The following CNKSR2 variants were observed in gnomAD, a reference collection of about 807,000 sequenced individuals.
The protein encoded by CNKSR2 is connector enhancer of kinase suppressor of Ras 2.
In CNKSR2, 14 loss-of-function variants were observed where a neutral mutation model predicts 84.4. The observed-to-expected ratio is 0.17, with a 90% CI of 0.11 to 0.26. The LOEUF is 0.26. Among genes scored for constraint, CNKSR2 ranks in the 10% least tolerant of loss-of-function variants. The pLI is 1.00. For synonymous variants in CNKSR2, 275 were observed against 277.9 expected (o/e 0.99, Z 0.10); for missense variants, 485 against 771.2 (o/e 0.63, Z 4.40).
chrX:21,621,752 C>T (rs2092602694), intron 20 of CNKSR2, among the ~76,000 whole-genome samples: 1 of 110,735 alleles, frequency 9.0e-6, no homozygotes, highest in Non-Finnish European at 1.9e-5. Flanking sequence ...CCAGGGTTTT[C>T]CTCTTCCCTT....
chrX:21,435,440 T>TA (rs1304888596), intron 3 of CNKSR2, among the ~76,000 whole-genome samples: 1 of 111,490 alleles, frequency 9.0e-6, no homozygotes. Flanking sequence ...AGCTTCCATT[T>TA]AAATGAGATA....
intron 17 of CNKSR2, among the ~76,000 whole-genome samples, chrX:21,599,339 GGTGTGTGTGTGT>G (rs34829122): frequency 7.0e-4 from 58 of 82,681 alleles, no homozygotes; most frequent in African/African-American, 2.6e-3. Context: ...TTTTTGTTTT[GGTGTGTGTGTGT>G]GTGTGTGTGT....
intron 11 of CNKSR2, among the ~76,000 whole-genome samples, chrX:21,550,795 G>A (rs1049134946): frequency 9.0e-6 from 1 of 111,125 alleles, no homozygotes; most frequent in Non-Finnish European, 1.9e-5. Context: ...CAGTACTTTG[G>A]GAGGCAGAGG....
At chrX:21,397,275 T>C (rs1945703609) in intron 1 of CNKSR2, among the ~76,000 whole-genome samples, 1 of 111,679 alleles carries the variant, frequency 9.0e-6, no homozygotes. Flanking sequence ...GCTGAATAAT[T>C]TATTGTAATT....
At chrX:21,423,788 ATG>A (rs1216891902) in intron 1 of CNKSR2, 2 of 111,699 alleles carry the variant, frequency 1.8e-5, no homozygotes, top group Non-Finnish European at 3.8e-5. Flanking sequence ...CATCAAGAGT[ATG>A]CTAGCATGGA....
At chrX:21,436,297 C>G (rs2090703802) in intron 3 of CNKSR2, among the ~76,000 whole-genome samples, 1 of 111,621 alleles carries the variant, frequency 9.0e-6, no homozygotes, top group Admixed American at 9.5e-5. Flanking sequence ...TCCAGATTTT[C>G]CTTATTAACC....
chrX:21,530,197 A>G (rs1406806397), intron 10 of CNKSR2, among the ~76,000 whole-genome samples: 1 of 111,628 alleles, frequency 9.0e-6, no homozygotes, highest in Admixed American at 9.5e-5. Context: ...AACTATCTAT[A>G]TAGTTCTATT....
intron 3 of CNKSR2, 84 bp downstream of exon 3, chrX:21,432,898 G>A: frequency 1.0e-6 from 1 of 959,247 alleles, no homozygotes; most frequent in Non-Finnish European, 1.5e-6. Context: ...TGTTGTGAAA[G>A]GATTGGACAG....
At chrX:21,499,338 G>T (rs1195694650) in intron 7 of CNKSR2, among the ~76,000 whole-genome samples, 2 of 111,726 alleles carry the variant, frequency 1.8e-5, no homozygotes, top group Non-Finnish European at 3.8e-5. Context: ...TGGAGAGCAT[G>T]TGGGGGTTCA....
chrX:21,497,850 A>C lies in CNKSR2; in HGVS notation c.741+4A>C, dbSNP rs372333253. The C allele has an allele frequency of 2.4e-6, 2 of 850,364 alleles. No individual in the cohort carries two copies. The highest frequency in any genetic ancestry group is 4.0e-5 in the African/African-American group (2 of 50,333). The allele number at this position is 850,364 out of a possible 1,213,427, so 70.1% of individuals were successfully genotyped here. A position where few individuals can be genotyped will look rare whatever the true frequency, so the allele number is the denominator to read the frequency against. ...AATTACTGGAACCACAGAAAATGTA[A>C]GTATTCTAACCTTTCAAATTTTTAA... On this transcript the variant is annotated splice_donor_region_variant and intron_variant, in intron 7 of 21. Transcript: ENST00000379510.
At chrX:21,534,541 A>C (rs935230889) in intron 11 of CNKSR2, among the ~76,000 whole-genome samples, 1 of 110,294 alleles carries the variant, frequency 9.1e-6, no homozygotes, top group Non-Finnish European at 1.9e-5. Flanking sequence ...GTACCAATTT[A>C]CATTCTCATC....
At chrX:21,587,121 A>G (rs2092393446) in intron 13 of CNKSR2, among the ~76,000 whole-genome samples, 1 of 112,111 alleles carries the variant, frequency 8.9e-6, no homozygotes. Context: ...CAGAGAAACT[A>G]AAGACAGATT....
chrX:21,542,066 A>G (rs751371150), intron 11 of CNKSR2, among the ~76,000 whole-genome samples: 3 of 112,436 alleles, frequency 2.7e-5, no homozygotes, highest in Non-Finnish European at 5.6e-5. Context: ...ATTTACATAG[A>G]TATGAACCTG....
intron 13 of CNKSR2, among the ~76,000 whole-genome samples, chrX:21,567,533 C>CT (rs2092249285): frequency 9.0e-6 from 1 of 111,485 alleles, no homozygotes; most frequent in South Asian, 3.8e-4. Context: ...GGATTAGCTG[C>CT]CTTACATCCC....
intron 1 of CNKSR2, among the ~76,000 whole-genome samples, chrX:21,410,898 TTG>T (rs907489297): frequency 2.4e-4 from 25 of 102,605 alleles, no homozygotes; most frequent in East Asian, 9.2e-4. Flanking sequence ...GTGTGTGTGT[TTG>T]TGTGTGTGTG....
At chrX:21,491,305 A>G (rs750861006) in intron 6 of CNKSR2, 3 of 111,904 alleles carry the variant, frequency 2.7e-5, no homozygotes, top group Admixed American at 9.5e-5. Context: ...CTACACAACT[A>G]TTACATGTTA....
chrX:21,378,313 A>G (rs769540144), intron 1 of CNKSR2, among the ~76,000 whole-genome samples: 17 of 111,977 alleles, frequency 1.5e-4, no homozygotes, highest in Non-Finnish European at 3.2e-4. Context: ...TGGAAATTGC[A>G]TCCAATCCTC....
chrX:21,378,538 A>G (rs370653411), intron 1 of CNKSR2, among the ~76,000 whole-genome samples: 55 of 111,458 alleles, frequency 4.9e-4, no homozygotes, highest in African/African-American at 1.4e-3. Flanking sequence ...TCCCCAGACC[A>G]TCTCTACTTT....
Position 21,426,654 on chromosome X carries a change from T to G in CNKSR2, c.222T>G (p.Cys74Trp). The change falls in exon 2 of 22, where the codon TGT becomes TGG. Residue 74 changes from cysteine to tryptophan, a missense_variant. Physicochemically the swap from Cys to Trp is radical, Grantham distance 215 (BLOSUM62 -2). Coordinates refer to ENST00000379510, the MANE Select transcript of CNKSR2 (RefSeq NM_014927.5). ...ELILEAVDLL[C>W]ALNYGLETEN... The stretch of plus-strand genomic sequence containing the variant: ...TCTTGGAAGCAGTTGACCTTCTGTG[T>G]GCATTGGTAAGGACATAAAACTGGT... The G allele has an allele frequency of 8.3e-7, 1 of 1,198,850 alleles. No individual in the cohort carries two copies. Among genetic ancestry groups the G allele is most frequent in the Admixed American group, 2.3e-5 (1 of 43,377 alleles).
Sources: allele counts gnomAD v4.1 joint callset (sites outside exome capture counted in the v4.1 genomes callset), GRCh38; gene constraint gnomAD v4.1.1; transcripts MANE v1.5; gene names NCBI Gene and HGNC (gene_info 2026-07-23, HGNC 2026-07-21).